SORCS2: variants seen among roughly 807,000 people sequenced by gnomAD.
SORCS2 encodes sortilin related VPS10 domain containing receptor 2, also known as VPS10 domain-containing receptor SorCS2.
Under a neutral mutation model 141.6 loss-of-function variants are expected in SORCS2, and 100 were observed. The ratio of observed to expected loss-of-function variants is 0.71; its 90% CI spans 0.60 to 0.83. The LOEUF (loss-of-function observed/expected upper bound fraction) is 0.83. Among genes scored for constraint, SORCS2 ranks in the 40% least tolerant of loss-of-function variants. SORCS2 has a pLI of 0.00. For synonymous variants in SORCS2, 789 were observed against 676.9 expected (o/e 1.17, Z -2.57); for missense variants, 1,646 against 1,560.2 (o/e 1.05, Z -0.93).
chr4:7,403,127 A>C lies in SORCS2; in HGVS notation c.548+6772A>C, dbSNP rs375704636. 7.9e-4 allele frequency among the ~76,000 whole-genome samples: 121 copies of C among 152,264 alleles called. 1 individual carries two copies. Among genetic ancestry groups the C allele is most frequent in the African/African-American group, 2.8e-3 (116 of 41,552 alleles). On this transcript the variant is annotated intron_variant, in intron 2 of 26. Coordinates refer to ENST00000507866, the MANE Select transcript of SORCS2 (RefSeq NM_020777.3). ...ATTGTTAGAATAGCAATTCTGATGG[A>C]TGGTGTATTAGTCAGCTATATGGCA...
At chr4:7,462,770 C>G (rs765149852) in intron 2 of SORCS2, among the ~76,000 whole-genome samples, 38 of 151,412 alleles carry the variant, frequency 2.5e-4, no homozygotes, top group Non-Finnish European at 4.7e-4. Context: ...AGCCGGTGCA[C>G]ACTTGCAGAG....
chr4:7,519,520 C>A (rs1364697966), intron 2 of SORCS2, among the ~76,000 whole-genome samples: 1 of 152,222 alleles, frequency 6.6e-6, no homozygotes, highest in South Asian at 2.1e-4. Context: ...AAGAAGCAAC[C>A]CAGCCAGTGT....
chr4:7,698,100 G>A (rs955328317), intron 12 of SORCS2, among the ~76,000 whole-genome samples: 1 of 152,184 alleles, frequency 6.6e-6, no homozygotes, highest in African/African-American at 2.4e-5. Context: ...ACCCCAGGAG[G>A]GGGCACCGCC....
At chr4:7,574,446 C>A (rs1262441576) in intron 3 of SORCS2, among the ~76,000 whole-genome samples, 1 of 152,204 alleles carries the variant, frequency 6.6e-6, no homozygotes, top group Admixed American at 6.5e-5. Context: ...CAGCTCTCGC[C>A]CCTGCCTTGC....
intron 2 of SORCS2, chr4:7,434,976 GC>G: frequency 7.1e-7 from 1 of 1,411,308 alleles, no homozygotes; most frequent in Non-Finnish European, 9.4e-7. Context: ...CGGAAGGGCG[GC>G]CCCACCTCCT....
At chr4:7,256,640 C>A (rs1713893608) in intron 1 of SORCS2, among the ~76,000 whole-genome samples, 1 of 151,690 alleles carries the variant, frequency 6.6e-6, no homozygotes, top group Admixed American at 6.6e-5. Context: ...GCAGGAAAAC[C>A]CCAAATCTCG....
intron 1 of SORCS2, among the ~76,000 whole-genome samples, chr4:7,309,704 G>A (rs1236279462): frequency 6.6e-6 from 1 of 152,194 alleles, no homozygotes; most frequent in Non-Finnish European, 1.5e-5. Flanking sequence ...TTTCCTCGAG[G>A]CTCTGGGCTA....
chr4:7,562,522 A>T (rs1482892899), intron 3 of SORCS2, among the ~76,000 whole-genome samples: 1 of 152,196 alleles, frequency 6.6e-6, no homozygotes, highest in East Asian at 1.9e-4. Context: ...TACATACTTT[A>T]AGCTTTAGGG....
At chr4:7,546,941 C>G (rs890012363) in intron 3 of SORCS2, among the ~76,000 whole-genome samples, 1 of 152,166 alleles carries the variant, frequency 6.6e-6, no homozygotes, top group African/African-American at 2.4e-5. Context: ...AGCTTAAATT[C>G]CAAAGTGATT....
chr4:7,556,402 G>A (rs1332804800), intron 3 of SORCS2, among the ~76,000 whole-genome samples: 1 of 152,092 alleles, frequency 6.6e-6, no homozygotes, highest in Admixed American at 6.5e-5. Context: ...CACTCGCGCA[G>A]CCTCTGTGGC....
rs1577135764 is a variant in SORCS2, at chr4:7,733,529, G to T, written c.3208+108G>T. 3.0e-5 allele frequency: 27 copies of T among 907,192 alleles called. No homozygotes were observed. The East Asian group carries it at 7.4e-4, about 25-fold the overall frequency. 56.2% of individuals were successfully genotyped at this position (907,192 alleles called of 1,614,324 possible). A position where few individuals can be genotyped will look rare whatever the true frequency, so the allele number is the denominator to read the frequency against. On this transcript the variant is annotated intron_variant, in intron 24 of 26. Coordinates refer to ENST00000507866, the MANE Select transcript of SORCS2 (RefSeq NM_020777.3). ...GGCAGATGGCCCGTATCCCCCTCCTGGTGGGTGTTCGCCTCTGATGGAACT... is the reference window on the plus strand; with the variant it reads ...GGCAGATGGCCCGTATCCCCCTCCTTGTGGGTGTTCGCCTCTGATGGAACT...
intron 2 of SORCS2, among the ~76,000 whole-genome samples, chr4:7,469,260 A>AATGGTGGTGATGGTGATGGTGATGGTG (rs1560310330): frequency 1.3e-4 from 20 of 151,354 alleles, no homozygotes; most frequent in African/African-American, 4.9e-4. Context: ...AGGTGATGGT[A>AATGGTGGTGATGGTGATGGTGATGGTG]ATGGTGGTGT....
In SORCS2 at chr4:7,703,321, C is replaced by T. The variant is rs141596296; in HGVS notation, c.1710C>T (p.Gly570=). ...EEHHILYLDH[G]GVIVAIKDTS... ...ATCACATCCTGTACCTGGACCACGGCGGCGTGATCGTGGCCATCAAAGACA... is the reference window on the plus strand; with the variant it reads ...ATCACATCCTGTACCTGGACCACGGTGGCGTGATCGTGGCCATCAAAGACA... The change falls in exon 13 of 27, where the codon GGC becomes GGT. Residue 570 remains glycine (G), a synonymous_variant. Coordinates refer to ENST00000507866, the MANE Select transcript of SORCS2 (RefSeq NM_020777.3). The T allele has an allele frequency of 3.6e-5, 58 of 1,613,256 alleles. 1 individual carries two copies. In the Admixed American group the frequency reaches 5.2e-4, roughly 14 times the overall value.
At chr4:7,242,217 A>G (rs1484541657) in intron 1 of SORCS2, among the ~76,000 whole-genome samples, 2 of 151,978 alleles carry the variant, frequency 1.3e-5, no homozygotes, top group African/African-American at 4.8e-5. Context: ...TCTTTTTTTA[A>G]AAGACAGGGT....
At chr4:7,439,876 G>C (rs1002059179) in intron 2 of SORCS2, among the ~76,000 whole-genome samples, 3 of 152,192 alleles carry the variant, frequency 2.0e-5, no homozygotes, top group African/African-American at 4.8e-5. Flanking sequence ...ATGGTGTGCA[G>C]AATGTTTCTG....
chr4:7,655,202 T>TGTACACACACACAC (rs539590139), intron 5 of SORCS2, among the ~76,000 whole-genome samples: 45 of 148,984 alleles, frequency 3.0e-4, no homozygotes, highest in African/African-American at 1.0e-3. Flanking sequence ...CTTGTGCGTG[T>TGTACACACACACAC]ACACACACAC....
intron 3 of SORCS2, among the ~76,000 whole-genome samples, chr4:7,600,652 TATATACACACACACACACAC>T (rs1440637101): frequency 3.1e-5 from 3 of 96,350 alleles, no homozygotes; most frequent in Non-Finnish European, 6.3e-5. Flanking sequence ...TATACATATA[TATATACACACACACACACAC>T]ACACACACAC....
chr4:7,581,293 C>T (rs576099127), intron 3 of SORCS2, among the ~76,000 whole-genome samples: 11 of 151,806 alleles, frequency 7.2e-5, no homozygotes, highest in Admixed American at 3.3e-4. Context: ...TAATGAAAAA[C>T]AACTATGTGT....
At chr4:7,716,133 A>T (rs1239627075) in intron 17 of SORCS2, among the ~76,000 whole-genome samples, 1 of 152,238 alleles carries the variant, frequency 6.6e-6, no homozygotes, top group African/African-American at 2.4e-5. Flanking sequence ...AGGAGGTCCC[A>T]AACGTGCTCC....
Sources: allele counts gnomAD v4.1 joint callset (sites outside exome capture counted in the v4.1 genomes callset), GRCh38; gene constraint gnomAD v4.1.1; transcripts MANE v1.5; gene names NCBI Gene and HGNC (gene_info 2026-07-23, HGNC 2026-07-21).